TECRL: variants seen among roughly 807,000 people sequenced by gnomAD.
The protein encoded by TECRL is trans-2,3-enoyl-CoA reductase-like.
A neutral mutation model predicts 52.8 loss-of-function variants in TECRL; 63 were observed. The observed-to-expected ratio is 1.19, with a 90% confidence interval of 0.97 to 1.47. The LOEUF (loss-of-function observed/expected upper bound fraction) is 1.47. Among genes scored for constraint, TECRL ranks in the 40% most tolerant of loss-of-function variants. TECRL has a pLI of 0.00. For synonymous variants in TECRL, 164 were observed against 141.9 expected, an observed-to-expected ratio of 1.16 and a Z score of -1.10; for missense variants, 482 against 429.6, an observed-to-expected ratio of 1.12 and a Z score of -1.08.
At chr4:64,335,539 C>A (rs1719004360) in intron 2 of TECRL, among the ~76,000 whole-genome samples, 1 of 152,030 alleles carries the variant, frequency 6.6e-6, no homozygotes, top group Admixed American at 6.6e-5. Flanking sequence ...ACCGTGAAAC[C>A]ACTCCCTACA....
At chr4:64,380,304 C>A (rs1404612685) in intron 1 of TECRL, among the ~76,000 whole-genome samples, 1 of 151,950 alleles carries the variant, frequency 6.6e-6, no homozygotes, top group Non-Finnish European at 1.5e-5. Flanking sequence ...TTATTTAGTT[C>A]TGAATATTAG....
At chr4:64,289,951 C>T (rs1723290214) in intron 8 of TECRL, among the ~76,000 whole-genome samples, 184 bp from the exon 9 acceptor site, 1 of 152,006 alleles carries the variant, frequency 6.6e-6, no homozygotes. Flanking sequence ...TTCTTGCTGG[C>T]ATATATTGAA....
In TECRL at chr4:64,309,849, T is replaced by C. The variant is rs868827683; in HGVS notation, c.634A>G (p.Thr212Ala). ...ACCATTATCAAATTTTTCAAAGGTG[T>C]GTGTCCTGCAGAAACTTTGTGAACA... The part of the protein sequence containing the change: ...LFVHKVSAGH[T>A]PLKNLIMSCA... The change falls in exon 6 of 12, where the codon ACA becomes GCA. Residue 212 changes from threonine to alanine, a missense_variant. Coordinates refer to ENST00000381210, the MANE Select transcript of TECRL (RefSeq NM_001010874.5). The C allele has an allele frequency of 2.5e-6, 4 of 1,609,860 alleles. No individual in the cohort carries two copies. The South Asian group carries it at 4.4e-5, about 18-fold the overall frequency.
chr4:64,366,455 C>G (rs963265515), intron 2 of TECRL, among the ~76,000 whole-genome samples: 15 of 152,066 alleles, frequency 9.9e-5, no homozygotes, highest in African/African-American at 3.4e-4. Flanking sequence ...GCAAAAGAAA[C>G]TATCAATGAA....
chr4:64,348,226 G>T (rs535849492), intron 2 of TECRL, among the ~76,000 whole-genome samples: 1 of 152,144 alleles, frequency 6.6e-6, no homozygotes, highest in Non-Finnish European at 1.5e-5. Context: ...AGGCAAAGAC[G>T]AAGCAAGGAC....
chr4:64,332,681 G>T (rs941682474), intron 2 of TECRL, among the ~76,000 whole-genome samples: 66 of 152,092 alleles, frequency 4.3e-4, no homozygotes, highest in Admixed American at 4.1e-3. Context: ...ACTACGGAAA[G>T]AAACACAGAC....
chr4:64,360,765 C>T (rs954155687), intron 2 of TECRL, among the ~76,000 whole-genome samples: 18 of 152,140 alleles, frequency 1.2e-4, no homozygotes, highest in South Asian at 6.2e-4. Flanking sequence ...AGGGTGAGTG[C>T]AATAGGTGTG....
At chr4:64,362,466 G>T (rs930513707) in intron 2 of TECRL, among the ~76,000 whole-genome samples, 3 of 151,828 alleles carry the variant, frequency 2.0e-5, no homozygotes, top group African/African-American at 7.3e-5. Context: ...AAAGAGGCAG[G>T]TCACATTGAA....
At chr4:64,381,458 G>T in intron 1 of TECRL, among the ~76,000 whole-genome samples, 1 of 149,018 alleles carries the variant, frequency 6.7e-6, no homozygotes. Flanking sequence ...TCCTTGTCTT[G>T]TTCCAGTTCT....
intron 6 of TECRL, among the ~76,000 whole-genome samples, chr4:64,308,889 T>C (rs1458358134): frequency 6.6e-6 from 1 of 152,176 alleles, no homozygotes; most frequent in Admixed American, 6.5e-5. Flanking sequence ...AAGTAGTAAA[T>C]ATAAATGAAT....
intron 1 of TECRL, among the ~76,000 whole-genome samples, chr4:64,375,937 CA>C (rs962029168): frequency 1.3e-5 from 2 of 151,644 alleles, no homozygotes; most frequent in Non-Finnish European, 3.0e-5. Flanking sequence ...GAATTTGTCT[CA>C]AAAGACATTT....
chr4:64,285,801 A>G (rs1256181253), intron 9 of TECRL, among the ~76,000 whole-genome samples: 1 of 152,124 alleles, frequency 6.6e-6, no homozygotes, highest in Non-Finnish European at 1.5e-5. Flanking sequence ...TCCAAGAAAG[A>G]AAATGATGCC....
chr4:64,314,075 G>A (rs1023730877), intron 5 of TECRL, among the ~76,000 whole-genome samples: 3 of 150,964 alleles, frequency 2.0e-5, no homozygotes, highest in Non-Finnish European at 3.0e-5. Flanking sequence ...GTGTGAACCC[G>A]GGAGGCGGAG....
At chr4:64,281,762 C>A (rs1245922905) in intron 9 of TECRL, among the ~76,000 whole-genome samples, 1 of 151,838 alleles carries the variant, frequency 6.6e-6, no homozygotes, top group Non-Finnish European at 1.5e-5. Flanking sequence ...AAATAGCTGT[C>A]ATTTTCATAC....
intron 8 of TECRL, among the ~76,000 whole-genome samples, chr4:64,293,394 A>T (rs1207729044): frequency 2.0e-5 from 3 of 152,134 alleles, no homozygotes; most frequent in Non-Finnish European, 4.4e-5. Flanking sequence ...AATGTATATT[A>T]TTGTAAGTGA....
chr4:64,331,436 G>C (rs1192618955), intron 2 of TECRL, among the ~76,000 whole-genome samples: 1 of 151,982 alleles, frequency 6.6e-6, no homozygotes, highest in Non-Finnish European at 1.5e-5. Flanking sequence ...AGGTAACATA[G>C]CTTAAAACCC....
At chr4:64,287,431 G>C (rs73228559) in intron 9 of TECRL, among the ~76,000 whole-genome samples, 2,203 of 152,154 alleles carry the variant, frequency 0.014, 68 homozygotes, top group African/African-American at 0.05. Flanking sequence ...CAGAAGCGTG[G>C]AAGGCAAGGA....
intron 2 of TECRL, among the ~76,000 whole-genome samples, chr4:64,349,623 A>G (rs1054520389): frequency 1.3e-5 from 2 of 152,208 alleles, no homozygotes; most frequent in Admixed American, 6.5e-5. Flanking sequence ...GACTCAGGGC[A>G]TAGTTTTAAA....
intron 3 of TECRL, among the ~76,000 whole-genome samples, chr4:64,324,607 A>G (rs1718124465): frequency 6.6e-6 from 1 of 152,096 alleles, no homozygotes; most frequent in African/African-American, 2.4e-5. Context: ...CAATTATTGT[A>G]TATTACATTT....
Sources: allele counts gnomAD v4.1 joint callset (sites outside exome capture counted in the v4.1 genomes callset), GRCh38; gene constraint gnomAD v4.1.1; transcripts MANE v1.5; gene names NCBI Gene and HGNC (gene_info 2026-07-23, HGNC 2026-07-21).